HYAL4: variants seen among roughly 807,000 people sequenced by gnomAD.
HYAL4 encodes hyaluronidase-4.
Under a neutral mutation model 35.2 loss-of-function variants are expected in HYAL4, and 37 were observed. The observed-to-expected ratio is 1.05, with a 90% CI of 0.81 to 1.38. HYAL4 has a LOEUF of 1.38. Among genes scored for constraint, HYAL4 ranks in the 40% most tolerant of loss-of-function variants. The pLI, the probability that HYAL4 is intolerant of heterozygous loss-of-function variation, is 0.00. For synonymous variants in HYAL4, 198 were observed against 203.2 expected, an observed-to-expected ratio of 0.97 and a Z score of 0.22; for missense variants, 572 against 572.4, an observed-to-expected ratio of 1.00 and a Z score of 0.01.
the HYAL4 span, among the ~76,000 whole-genome samples, chr7:123,821,194 A>G: frequency 1.3e-5 from 2 of 152,216 alleles, no homozygotes; most frequent in Non-Finnish European, 2.9e-5. Flanking sequence ...TGAATCATAT[A>G]GTAGTTATTA....
At chr7:123,780,271 A>ATCG in the HYAL4 span, among the ~76,000 whole-genome samples, 2 of 152,184 alleles carry the variant, frequency 1.3e-5, no homozygotes, top group African/African-American at 4.8e-5. Context: ...GTGCCAGATC[A>ATCG]TCGTCCTTGC....
Position 123,871,217 on chromosome 7 carries a change from A to C in HYAL4, c.954+1990A>C, listed in dbSNP as rs1806875451. The stretch of plus-strand genomic sequence containing the variant: ...GATTTTTTTTTTTTTTTTTAGATGG[A>C]GTTTCCCTCTGTCTCCCAGGCTGGA... On this transcript the variant is annotated intron_variant, in intron 3 of 4. Transcript: ENST00000223026. Among the ~76,000 whole-genome samples the C allele has an allele frequency of 2.1e-5, 3 of 142,022 alleles. No individual in the cohort carries two copies. The Admixed American group carries it at 2.1e-4, about 10-fold the overall frequency. The allele number at this position is 142,022 out of a possible 152,430, so 93.2% of individuals were successfully genotyped here.
chr7:123,822,706 C>T, the HYAL4 span, among the ~76,000 whole-genome samples: 1 of 152,120 alleles, frequency 6.6e-6, no homozygotes, highest in African/African-American at 2.4e-5. Context: ...TGCCTATAAT[C>T]CCAGTACTTT....
chr7:123,819,161 A>G, the HYAL4 span, among the ~76,000 whole-genome samples: 19 of 152,142 alleles, frequency 1.2e-4, no homozygotes, highest in Non-Finnish European at 2.4e-4. Context: ...TAACTTTTTC[A>G]GATTCTATCT....
the HYAL4 span, among the ~76,000 whole-genome samples, chr7:123,812,707 G>A: frequency 0.042 from 6,434 of 152,084 alleles, 146 homozygotes; most frequent in Middle Eastern, 0.082. Flanking sequence ...ATATATATAC[G>A]CAATGTGCAG....
the HYAL4 span, among the ~76,000 whole-genome samples, chr7:123,800,191 A>G: frequency 7.0e-6 from 1 of 142,982 alleles, no homozygotes; most frequent in East Asian, 2.4e-4. Flanking sequence ...TATTTTTTTG[A>G]GACAGTCTTG....
At chr7:123,835,068 T>G (rs892797857) in intron 1 of HYAL4, among the ~76,000 whole-genome samples, 1 of 151,996 alleles carries the variant, frequency 6.6e-6, no homozygotes, top group African/African-American at 2.4e-5. Flanking sequence ...CCTTTCATGG[T>G]TTTGGGATTA....
the HYAL4 span, among the ~76,000 whole-genome samples, chr7:123,807,519 C>T: frequency 6.7e-6 from 1 of 149,036 alleles, no homozygotes; most frequent in Non-Finnish European, 1.5e-5. Flanking sequence ...CAGCTCACTG[C>T]AACCTCTGCC....
chr7:123,774,665 G>A, the HYAL4 span, among the ~76,000 whole-genome samples: 1 of 152,024 alleles, frequency 6.6e-6, no homozygotes, highest in African/African-American at 2.4e-5. Context: ...TTTCCATTAC[G>A]ATAAAGTCCA....
At chr7:123,854,980 C>T (rs1428151246) in intron 2 of HYAL4, among the ~76,000 whole-genome samples, 1 of 152,198 alleles carries the variant, frequency 6.6e-6, no homozygotes, top group Non-Finnish European at 1.5e-5. Flanking sequence ...ATGTAATGGC[C>T]TTCCTTGTCT....
intron 3 of HYAL4, among the ~76,000 whole-genome samples, chr7:123,871,444 G>A (rs1217947043): frequency 6.6e-6 from 1 of 152,054 alleles, no homozygotes; most frequent in African/African-American, 2.4e-5. Flanking sequence ...CACCCGCCTT[G>A]GCCTCCCAAA....
the HYAL4 span, among the ~76,000 whole-genome samples, chr7:123,791,624 T>C: frequency 1.3e-5 from 2 of 152,198 alleles, no homozygotes; most frequent in Non-Finnish European, 2.9e-5. Flanking sequence ...TTGGCTCCAC[T>C]TGGGTGCTGT....
intron 2 of HYAL4, among the ~76,000 whole-genome samples, chr7:123,852,403 G>A (rs941266230): frequency 1.6e-4 from 25 of 152,144 alleles, no homozygotes; most frequent in Non-Finnish European, 3.7e-4. Context: ...TCCATCTTGA[G>A]TTATTTTTTG....
At position 123,856,380 on chromosome 7, in the gene HYAL4, A is replaced by G. The variant is rs192234703; in HGVS notation, c.-52+8222A>G. Among the ~76,000 whole-genome samples, 7 of 152,070 alleles carry G rather than the reference A, an allele frequency of 4.6e-5. No individual in the cohort carries two copies. In the South Asian group the frequency reaches 8.3e-4, roughly 18 times the overall value. On this transcript the variant is annotated intron_variant, in intron 2 of 4. Coordinates refer to ENST00000223026, the MANE Select transcript of HYAL4 (RefSeq NM_012269.3). The stretch of plus-strand genomic sequence containing the variant: ...GGTGACCTTTGGATGGGGTTTTTGC[A>G]TGGGTGTCCTTTTTGTTGATGTTGA...
At chr7:123,859,003 TA>T (rs1426352429) in intron 2 of HYAL4, among the ~76,000 whole-genome samples, 2 of 151,694 alleles carry the variant, frequency 1.3e-5, no homozygotes, top group Non-Finnish European at 2.9e-5. Flanking sequence ...TAAAAAGAAA[TA>T]AAAACAATGC....
chr7:123,776,676 C>T, the HYAL4 span, among the ~76,000 whole-genome samples: 2 of 152,296 alleles, frequency 1.3e-5, no homozygotes, highest in African/African-American at 2.4e-5. Flanking sequence ...ACGTTGGCCT[C>T]CCAAAGTGCT....
Position 123,857,319 on chromosome 7 carries a change from C to T in HYAL4, c.-52+9161C>T, listed in dbSNP as rs369470088. Among the ~76,000 whole-genome samples, 79 of 152,266 alleles carry T rather than the reference C, an allele frequency of 5.2e-4. 1 individual carries two copies. Among genetic ancestry groups the T allele is most frequent in the African/African-American group, 1.8e-3 (76 of 41,554 alleles). On this transcript the variant is annotated intron_variant, in intron 2 of 4. Coordinates refer to ENST00000223026, the MANE Select transcript of HYAL4 (RefSeq NM_012269.3). ...CCCAGGACCCTGATAGTGTAGGCAC[C>T]TGAGGGAATCTCCTGGTCTGCAGGT... is the stretch of plus-strand genomic sequence containing the variant.
chr7:123,800,497 T>TA, the HYAL4 span, among the ~76,000 whole-genome samples: 1 of 148,328 alleles, frequency 6.7e-6, no homozygotes, highest in Admixed American at 6.7e-5. Flanking sequence ...AAAAAAAAAT[T>TA]AAAAAAAAAG....
At chr7:123,780,639 TG>T in the HYAL4 span, among the ~76,000 whole-genome samples, 1 of 152,108 alleles carries the variant, frequency 6.6e-6, no homozygotes, top group Non-Finnish European at 1.5e-5. Flanking sequence ...GTCACATATG[TG>T]GGGAAAAGCA....
Sources: gnomAD v4.1 joint callset for allele counts (sites outside exome capture counted in the v4.1 genomes callset) on GRCh38, gnomAD v4.1.1 for gene constraint, MANE v1.5 for transcripts, NCBI Gene and HGNC (gene_info 2026-07-23, HGNC 2026-07-21) for gene names.